TLE4: variants seen among roughly 807,000 people sequenced by gnomAD.
The protein encoded by TLE4 is TLE family member 4, transcriptional corepressor, also known as transducin-like enhancer protein 4.
TLE4 carries 8 observed loss-of-function variants against 92.8 expected under a neutral mutation model. The ratio of observed to expected loss-of-function variants is 0.09; its 90% confidence interval spans 0.05 to 0.16. The LOEUF (loss-of-function observed/expected upper bound fraction) is 0.16. Ranked by LOEUF, TLE4 falls within the 10% of genes least tolerant of loss-of-function variation. The pLI, the probability that TLE4 is intolerant of heterozygous loss-of-function variation, is 1.00. For missense variants in TLE4, 675 were observed against 997.6 expected (o/e 0.68, Z 4.36); for synonymous variants, 371 against 374.1 (o/e 0.99, Z 0.10).
chr9:79,623,570 C>T (rs1053189437), intron 5 of TLE4, among the ~76,000 whole-genome samples: 1 of 151,996 alleles, frequency 6.6e-6, no homozygotes, highest in Admixed American at 6.6e-5. Context: ...TTGCTTAAAT[C>T]ACTTTTTTAA....
chr9:79,720,962 A>G (rs1177418600), intron 16 of TLE4, among the ~76,000 whole-genome samples: 2 of 152,216 alleles, frequency 1.3e-5, no homozygotes, highest in Admixed American at 1.3e-4. Flanking sequence ...TCTAGGTGTC[A>G]ATACCCTAAG....
chr9:79,667,558 C>T (rs1165114622), intron 8 of TLE4, among the ~76,000 whole-genome samples: 1 of 152,000 alleles, frequency 6.6e-6, no homozygotes, highest in Non-Finnish European at 1.5e-5. Flanking sequence ...GGAACAGCTG[C>T]TTTGACACTG....
In TLE4 at chr9:79,718,729, T is replaced by C; in HGVS notation, c.1348T>C (p.Ser450Pro). The C allele has an allele frequency of 6.2e-7, 1 of 1,613,202 alleles. No homozygotes were observed. The highest frequency in any genetic ancestry group is 8.5e-7 in the Non-Finnish European group (1 of 1,179,202). The change falls in exon 15 of 20, where the codon TCC becomes CCC. Residue 450 changes from serine (S) to proline (P), a missense_variant. This residue lies in a region of TLE4 where 119 missense variants were observed against 175.9 expected (regional missense o/e 0.68). Transcript: ENST00000376552. ...TCCTCTCCATTGCCTTAGAGCATACTCCTTCCATGTTAGCGCAGATGGTCA... is the reference window on the plus strand; with the variant it reads ...TCCTCTCCATTGCCTTAGAGCATACCCCTTCCATGTTAGCGCAGATGGTCA... ...TGIPGGKPAY[S>P]FHVSADGQMQ...
rs546986525 is a variant in TLE4, at chr9:79,596,101, C to T, written c.253-16555C>T. On this transcript the variant is annotated intron_variant, in intron 4 of 19. Transcript: ENST00000376552. ...GACCTCGTGATCCGCCCGCCCTGGCCTCCCAAAGTGCTGGGATTACAGGCG... is the reference window on the plus strand; with the variant it reads ...GACCTCGTGATCCGCCCGCCCTGGCTTCCCAAAGTGCTGGGATTACAGGCG... Among the ~76,000 whole-genome samples the T allele has an allele frequency of 2.0e-5, 3 of 152,212 alleles. No homozygotes were observed. In the East Asian group the frequency reaches 5.8e-4, roughly 29 times the overall value.
At chr9:79,631,111 T>C (rs971516578) in intron 6 of TLE4, among the ~76,000 whole-genome samples, 8 of 152,248 alleles carry the variant, frequency 5.3e-5, no homozygotes, top group African/African-American at 1.7e-4. Flanking sequence ...CCTCAATTTT[T>C]AGCAGTGACA....
At chr9:79,625,020 T>TC (rs1394007661) in intron 5 of TLE4, among the ~76,000 whole-genome samples, 7 of 127,692 alleles carry the variant, frequency 5.5e-5, no homozygotes, top group South Asian at 2.8e-4. Context: ...TTTTCTTTTT[T>TC]TTTTTTTTTT....
At chr9:79,637,191 T>A (rs1292142397) in intron 6 of TLE4, among the ~76,000 whole-genome samples, 1 of 152,234 alleles carries the variant, frequency 6.6e-6, no homozygotes, top group African/African-American at 2.4e-5. Flanking sequence ...TAGGCTTGTA[T>A]TCTTTTCCTG....
intron 11 of TLE4, among the ~76,000 whole-genome samples, chr9:79,707,896 T>C (rs1157133478): frequency 6.6e-6 from 1 of 152,206 alleles, no homozygotes; most frequent in Non-Finnish European, 1.5e-5. Context: ...GCTGCTCTCC[T>C]CTAAATTCAG....
chr9:79,720,652 T>C (rs2075475877), intron 16 of TLE4, among the ~76,000 whole-genome samples: 4 of 152,098 alleles, frequency 2.6e-5, no homozygotes, highest in Non-Finnish European at 5.9e-5. Context: ...CCCCATGAGC[T>C]CCATGGACAT....
chr9:79,678,810 C>A (rs1339572516), intron 8 of TLE4, among the ~76,000 whole-genome samples: 1 of 149,852 alleles, frequency 6.7e-6, no homozygotes, highest in Non-Finnish European at 1.5e-5. Context: ...TATGATGTTC[C>A]CCTTCCTGTG....
At chr9:79,704,669 T>G (rs2071003609) in intron 8 of TLE4, 114 bp from the exon 9 acceptor site, 1 of 1,406,352 alleles carries the variant, frequency 7.1e-7, no homozygotes, top group Non-Finnish European at 9.6e-7. Flanking sequence ...TCTTAACAGC[T>G]TTGCAAGTAT....
intron 6 of TLE4, among the ~76,000 whole-genome samples, chr9:79,644,161 C>T (rs112649482): frequency 1.3e-5 from 2 of 152,094 alleles, no homozygotes; most frequent in Non-Finnish European, 1.5e-5. Context: ...TCTTGTGATA[C>T]TAAGTTCTCA....
chr9:79,671,298 A>G (rs1353334126), intron 8 of TLE4: 1 of 455,968 alleles, frequency 2.2e-6, no homozygotes, highest in Non-Finnish European at 4.4e-6. Flanking sequence ...CTGATTTTAA[A>G]AGACATTCAC....
intron 6 of TLE4, among the ~76,000 whole-genome samples, chr9:79,649,273 C>CAT (rs889391793): frequency 2.8e-4 from 3 of 10,634 alleles, no homozygotes; most frequent in Admixed American, 1.5e-3. Flanking sequence ...TACATACATA[C>CAT]ACACACACAC....
At chr9:79,665,134 G>A (rs1365734701) in intron 8 of TLE4, among the ~76,000 whole-genome samples, 1 of 152,114 alleles carries the variant, frequency 6.6e-6, no homozygotes, top group Non-Finnish European at 1.5e-5. Context: ...TATTAAAAAG[G>A]CACAGCTATA....
At chr9:79,625,739 C>A (rs2052450926) in intron 5 of TLE4, among the ~76,000 whole-genome samples, 1 of 151,900 alleles carries the variant, frequency 6.6e-6, no homozygotes, top group South Asian at 2.1e-4. Flanking sequence ...ATTGACTGTG[C>A]CCTTCTATTC....
intron 5 of TLE4, among the ~76,000 whole-genome samples, chr9:79,621,979 C>T (rs1414321606): frequency 1.3e-5 from 2 of 152,204 alleles, no homozygotes; most frequent in Non-Finnish European, 2.9e-5. Flanking sequence ...CTCTGCCATC[C>T]ACCTTCTTTA....
At chr9:79,588,175 G>C (rs2041654332) in intron 4 of TLE4, among the ~76,000 whole-genome samples, 1 of 120,956 alleles carries the variant, frequency 8.3e-6, no homozygotes, top group Non-Finnish European at 1.8e-5. Context: ...TTGAGATAGA[G>C]TCTCGCCCTG....
intron 8 of TLE4, among the ~76,000 whole-genome samples, chr9:79,699,141 A>G (rs776876501): frequency 7.2e-5 from 11 of 152,166 alleles, no homozygotes; most frequent in Non-Finnish European, 1.6e-4. Context: ...GGTGAACATG[A>G]TCAACTCTTT....
Sources: allele counts gnomAD v4.1 joint callset (sites outside exome capture counted in the v4.1 genomes callset), GRCh38; gene constraint gnomAD v4.1.1; regional missense constraint gnomAD v4.1.1; transcripts MANE v1.5; gene names NCBI Gene and HGNC (gene_info 2026-07-23, HGNC 2026-07-21).